CNTN6: variants seen among roughly 807,000 people sequenced by gnomAD.
The protein encoded by CNTN6 is contactin 6.
A neutral mutation model predicts 122.8 loss-of-function variants in CNTN6; 137 were observed. That is an observed-to-expected ratio of 1.12 (90% CI 0.97 to 1.29). CNTN6 has a LOEUF of 1.29. CNTN6 is among the 50% of genes most tolerant of loss of function. The pLI, the probability that CNTN6 is intolerant of heterozygous loss-of-function variation, is 0.00. For synonymous variants in CNTN6, 570 were observed against 426.0 expected (o/e 1.34, Z -4.16); for missense variants, 1,634 against 1,223.4 (o/e 1.34, Z -5.01).
At chr3:1,209,359 A>G (rs765903614) in intron 2 of CNTN6, among the ~76,000 whole-genome samples, 1 of 152,196 alleles carries the variant, frequency 6.6e-6, no homozygotes, top group South Asian at 2.1e-4. Flanking sequence ...TGTCTACTGC[A>G]TGTAAGAAAT....
chr3:1,359,928 A>G (rs916333219), intron 12 of CNTN6, among the ~76,000 whole-genome samples: 1 of 151,948 alleles, frequency 6.6e-6, no homozygotes, highest in Non-Finnish European at 1.5e-5. Context: ...CTTGCCAACA[A>G]TTCATTTCCC....
intron 1 of CNTN6, among the ~76,000 whole-genome samples, chr3:1,134,233 T>G (rs946372628): frequency 6.6e-6 from 1 of 152,160 alleles, no homozygotes; most frequent in Admixed American, 6.5e-5. Context: ...CTTTTATACT[T>G]GTCGTTACTG....
rs1183339908 is a variant in CNTN6, at chr3:1,403,638, G to A, written c.*220G>A. The A allele has an allele frequency of 6.1e-6, 2 of 329,608 alleles. No individual in the cohort carries two copies. Among genetic ancestry groups the A allele is most frequent in the Non-Finnish European group, 1.1e-5 (2 of 183,806 alleles). The allele number at this position is 329,608 out of a possible 1,614,324, so 20.4% of individuals were successfully genotyped here. ...CGCACATGATTACATGAATTCCTAG[G>A]TGCCACATTAACCTGGGGAGTTGTA... On this transcript the variant is annotated 3_prime_UTR_variant, in exon 23 of 23. Transcript: ENST00000446702.
intron 1 of CNTN6, among the ~76,000 whole-genome samples, chr3:1,113,777 G>T (rs1016601637): frequency 1.2e-4 from 19 of 152,194 alleles, no homozygotes; most frequent in African/African-American, 4.3e-4. Flanking sequence ...TTAATCATAG[G>T]CTGCATCAAG....
At chr3:1,355,136 A>T (rs772702119) in intron 12 of CNTN6, among the ~76,000 whole-genome samples, 3 of 151,666 alleles carry the variant, frequency 2.0e-5, no homozygotes, top group Non-Finnish European at 4.4e-5. Flanking sequence ...TTCATGACAC[A>T]TCCACATCCC....
intron 1 of CNTN6, among the ~76,000 whole-genome samples, chr3:1,105,976 G>A (rs1294205270): frequency 6.6e-6 from 1 of 152,054 alleles, no homozygotes; most frequent in East Asian, 1.9e-4. Flanking sequence ...CTCTGCCCTT[G>A]GTAACCATGA....
At chr3:1,252,861 A>T (rs2094692905) in intron 4 of CNTN6, among the ~76,000 whole-genome samples, 1 of 152,182 alleles carries the variant, frequency 6.6e-6, no homozygotes, top group Non-Finnish European at 1.5e-5. Flanking sequence ...AGGCTGGGCC[A>T]CTGTAAATCC....
At chr3:1,248,647 C>G (rs1022988289) in intron 4 of CNTN6, among the ~76,000 whole-genome samples, 1 of 152,032 alleles carries the variant, frequency 6.6e-6, no homozygotes, top group Admixed American at 6.6e-5. Flanking sequence ...TGGTGAAACT[C>G]TGTCTCCACT....
At chr3:1,163,759 A>C (rs985579504) in intron 2 of CNTN6, among the ~76,000 whole-genome samples, 1 of 152,200 alleles carries the variant, frequency 6.6e-6, no homozygotes, top group Non-Finnish European at 1.5e-5. Context: ...GCGGTCAATC[A>C]GTTAATTCAG....
chr3:1,200,023 G>GTTTTTAGACATATATATATGTCTTT (rs1183943594), intron 2 of CNTN6, among the ~76,000 whole-genome samples: 5 of 152,150 alleles, frequency 3.3e-5, no homozygotes, highest in South Asian at 4.1e-4. Context: ...AGAAAACTTT[G>GTTTTTAGACATATATATATGTCTTT]TTTTTAGACA....
chr3:1,385,916 T>C (rs940520214), intron 20 of CNTN6, 119 bp downstream of exon 20: 2 of 997,792 alleles, frequency 2.0e-6, no homozygotes, highest in South Asian at 1.8e-5. Context: ...CTTTGGTTAG[T>C]TGGTTTGTCC....
chr3:1,384,646 C>T (rs2126187404), intron 19 of CNTN6, among the ~76,000 whole-genome samples: 1 of 146,348 alleles, frequency 6.8e-6, no homozygotes, highest in African/African-American at 2.5e-5. Context: ...ATGTATAATC[C>T]TAAACATTCT....
chr3:1,129,577 C>T (rs1368894456), intron 1 of CNTN6, among the ~76,000 whole-genome samples: 1 of 152,072 alleles, frequency 6.6e-6, no homozygotes, highest in Non-Finnish European at 1.5e-5. Context: ...ATGCCTTTCT[C>T]ACACTTATTT....
chr3:1,220,271 G>T (rs980664077), intron 2 of CNTN6, among the ~76,000 whole-genome samples: 1 of 152,182 alleles, frequency 6.6e-6, no homozygotes, highest in Non-Finnish European at 1.5e-5. Flanking sequence ...AGGAGTTAGA[G>T]GCTTCTGTGA....
intron 2 of CNTN6, among the ~76,000 whole-genome samples, chr3:1,218,752 T>G (rs1237042805): frequency 6.6e-6 from 1 of 151,988 alleles, no homozygotes; most frequent in Non-Finnish European, 1.5e-5. Flanking sequence ...CACACAAATT[T>G]GCTGAGAGGC....
chr3:1,228,061 T>C (rs907387398), intron 4 of CNTN6, 68 bp downstream of exon 4: 24 of 1,449,010 alleles, frequency 1.7e-5, no homozygotes, highest in Admixed American at 1.4e-4. Context: ...ACACACATTT[T>C]AAAAATCTAG....
chr3:1,280,662 G>C (rs763696702), intron 5 of CNTN6, among the ~76,000 whole-genome samples: 1 of 151,266 alleles, frequency 6.6e-6, no homozygotes, highest in Non-Finnish European at 1.5e-5. Context: ...ACGGGTTTTC[G>C]CCATGTTGGC....
chr3:1,121,614 T>C (rs2091952910), intron 1 of CNTN6, among the ~76,000 whole-genome samples: 1 of 151,942 alleles, frequency 6.6e-6, no homozygotes, highest in Admixed American at 6.6e-5. Flanking sequence ...AATGTTTATA[T>C]AAGGATAACC....
chr3:1,391,305 A>T (rs1001233502), intron 20 of CNTN6, among the ~76,000 whole-genome samples: 2 of 125,132 alleles, frequency 1.6e-5, no homozygotes, highest in African/African-American at 6.9e-5. Flanking sequence ...GACAAAAACC[A>T]CATAATTATC....
Sources: gnomAD v4.1 joint callset for allele counts (sites outside exome capture counted in the v4.1 genomes callset) on GRCh38, gnomAD v4.1.1 for gene constraint, MANE v1.5 for transcripts, NCBI Gene and HGNC (gene_info 2026-07-23, HGNC 2026-07-21) for gene names.